NOL4: variants seen among roughly 807,000 people sequenced by gnomAD.
NOL4 encodes nucleolar protein 4, also known as cancer/testis antigen 125.
A neutral mutation model predicts 75.9 loss-of-function variants in NOL4; 17 were observed. The ratio of observed to expected loss-of-function variants is 0.22; its 90% CI spans 0.15 to 0.34. NOL4 has a LOEUF of 0.34. Ranked by LOEUF, NOL4 falls within the 10% of genes least tolerant of loss-of-function variation. The probability of loss-of-function intolerance (pLI) is 1.00; values close to 1 mark genes in which losing one functional copy is unlikely to be tolerated. For synonymous variants in NOL4, 292 were observed against 289.9 expected (o/e 1.01, Z -0.07); for missense variants, 614 against 793.5 (o/e 0.77, Z 2.72).
chr18:34,170,123 G>T (rs1263892111), intron 1 of NOL4, among the ~76,000 whole-genome samples: 1 of 151,764 alleles, frequency 6.6e-6, no homozygotes, highest in East Asian at 1.9e-4. Context: ...CAACATGTGG[G>T]TATTGAGCCC....
At chr18:33,865,964 G>T (rs754827293) in intron 10 of NOL4, among the ~76,000 whole-genome samples, 1 of 151,796 alleles carries the variant, frequency 6.6e-6, no homozygotes, top group Non-Finnish European at 1.5e-5. Context: ...ACATACTTAA[G>T]AAAATACAAA....
chr18:34,091,032 G>A (rs1035682063), intron 5 of NOL4, among the ~76,000 whole-genome samples: 1 of 151,876 alleles, frequency 6.6e-6, no homozygotes, highest in Non-Finnish European at 1.5e-5. Context: ...CTCATCTGAT[G>A]AATAGGATTA....
At chr18:33,995,039 T>C (rs1444760848) in intron 6 of NOL4, among the ~76,000 whole-genome samples, 2 of 151,664 alleles carry the variant, frequency 1.3e-5, no homozygotes, top group African/African-American at 2.4e-5. Flanking sequence ...GAAAAACTCC[T>C]AGAAATACAC....
intron 9 of NOL4, among the ~76,000 whole-genome samples, chr18:33,886,764 GATATATCTATATAT>G (rs1263509201): frequency 7.3e-6 from 1 of 137,120 alleles, no homozygotes; most frequent in Non-Finnish European, 1.6e-5. Flanking sequence ...CTCATATATA[GATATATCTATATAT>G]ATATATCTAT....
intron 5 of NOL4, among the ~76,000 whole-genome samples, chr18:34,062,881 C>T (rs1432578390): frequency 6.6e-6 from 1 of 151,960 alleles, no homozygotes; most frequent in Non-Finnish European, 1.5e-5. Flanking sequence ...AAATCCCAAA[C>T]CAAAAACGTT....
intron 9 of NOL4, among the ~76,000 whole-genome samples, chr18:33,899,684 C>T (rs1432274705): frequency 6.6e-6 from 1 of 152,134 alleles, no homozygotes; most frequent in African/African-American, 2.4e-5. Context: ...GGACAAGTTG[C>T]TCTGGTGTTT....
chr18:34,196,781 G>A (rs945712422), intron 1 of NOL4, among the ~76,000 whole-genome samples: 13 of 151,842 alleles, frequency 8.6e-5, no homozygotes, highest in African/African-American at 2.7e-4. Flanking sequence ...ACACTTAAAG[G>A]TTCAAGAAAC....
In NOL4 at chr18:34,095,245, A is replaced by ATGTGTGTGTGTG. The variant is rs761927350; in HGVS notation, c.640-1649_640-1648insCACACACACACA. ...ATGTTTACTCCAATTCTAAATTCTA[A>ATGTGTGTGTGTG]TGTGTATGTGTGTGTGTGTGTGTGT... On this transcript the variant is annotated intron_variant, in intron 4 of 10. Coordinates refer to ENST00000261592, the MANE Select transcript of NOL4 (RefSeq NM_003787.5). 5.2e-3 allele frequency among the ~76,000 whole-genome samples: 486 copies of ATGTGTGTGTGTG among 94,294 alleles called. 3 individuals are homozygous for ATGTGTGTGTGTG. The highest frequency in any genetic ancestry group is 7.9e-3 in the Non-Finnish European group (348 of 44,284). The allele number at this position is 94,294 out of a possible 152,430, so 61.9% of individuals were successfully genotyped here.
intron 2 of NOL4, among the ~76,000 whole-genome samples, chr18:34,123,962 A>C (rs141919856): frequency 0.011 from 1,634 of 152,186 alleles, 15 homozygotes; most frequent in Middle Eastern, 0.031. Context: ...ATTATTAATG[A>C]GTTCAATACT....
intron 3 of NOL4, 109 bp downstream of exon 3, chr18:34,104,940 C>A (rs1057491769): frequency 3.1e-6 from 2 of 638,506 alleles, no homozygotes; most frequent in Non-Finnish European, 5.5e-6. Flanking sequence ...ATGAGATGAT[C>A]TGACTTGTTG....
intron 1 of NOL4, among the ~76,000 whole-genome samples, chr18:34,134,872 G>A (rs184740995): frequency 8.0e-4 from 122 of 152,166 alleles, no homozygotes; most frequent in African/African-American, 2.5e-3. Flanking sequence ...TTGGTCAGAC[G>A]AATCCAAAGG....
intron 9 of NOL4, among the ~76,000 whole-genome samples, chr18:33,906,436 G>A (rs2066049436): frequency 1.3e-5 from 2 of 152,156 alleles, no homozygotes; most frequent in Non-Finnish European, 2.9e-5. Context: ...CACTGACCTT[G>A]TTCCAAATCC....
chr18:34,203,153 G>T (rs769870923), intron 1 of NOL4, among the ~76,000 whole-genome samples: 1 of 151,948 alleles, frequency 6.6e-6, no homozygotes, highest in Non-Finnish European at 1.5e-5. Context: ...TAAATCTCCA[G>T]GGAATTATAC....
At chr18:34,072,845 C>T (rs1293011228) in intron 5 of NOL4, among the ~76,000 whole-genome samples, 2 of 152,020 alleles carry the variant, frequency 1.3e-5, no homozygotes, top group South Asian at 4.1e-4. Context: ...TCTAAATAAT[C>T]TATTGGTTAA....
chr18:34,188,104 A>G (rs989447189), intron 1 of NOL4, among the ~76,000 whole-genome samples: 2 of 152,226 alleles, frequency 1.3e-5, no homozygotes, highest in African/African-American at 4.8e-5. Flanking sequence ...ATTTTTGTAG[A>G]CACTGTGTAT....
chr18:34,019,350 T>C lies in NOL4; in HGVS notation c.1024A>G (p.Met342Val), dbSNP rs1457581683. ...YKNLLISDLK[M>V]EREARENGSK... ...CCATTTTCTCTCGCCTCTCGTTCCATCTTGAGGTCAGAAATTAGAAGATTC... is the reference window on the plus strand; with the variant it reads ...CCATTTTCTCTCGCCTCTCGTTCCACCTTGAGGTCAGAAATTAGAAGATTC... Residue 342 changes from methionine to valine, a missense_variant, in exon 6 of 11, where the codon ATG becomes GTG. Met to Val is a conservative substitution (Grantham distance 21). Coordinates refer to ENST00000261592, the MANE Select transcript of NOL4 (RefSeq NM_003787.5). 1 of 1,614,048 alleles carries C rather than the reference T, an allele frequency of 6.2e-7. No homozygotes were observed. The highest frequency in any genetic ancestry group is 2.2e-5 in the East Asian group (1 of 44,854).
At chr18:34,053,460 GAAA>G (rs1205146630) in intron 5 of NOL4, among the ~76,000 whole-genome samples, 4 of 151,918 alleles carry the variant, frequency 2.6e-5, no homozygotes, top group African/African-American at 9.7e-5. Context: ...AACATATGGA[GAAA>G]AAAGCTTATT....
chr18:34,047,300 CGTAGACT>C (rs1360225270), intron 5 of NOL4, among the ~76,000 whole-genome samples: 2 of 151,956 alleles, frequency 1.3e-5, no homozygotes, highest in Non-Finnish European at 2.9e-5. Flanking sequence ...CTATATTTAG[CGTAGACT>C]GTAATGTTAT....
chr18:33,914,217 G>C (rs970432287), intron 9 of NOL4, among the ~76,000 whole-genome samples: 8 of 152,180 alleles, frequency 5.3e-5, no homozygotes, highest in African/African-American at 1.9e-4. Flanking sequence ...TTTGAGTAAA[G>C]AAGGAAGCAA....
Sources: allele counts gnomAD v4.1 joint callset (sites outside exome capture counted in the v4.1 genomes callset), GRCh38; gene constraint gnomAD v4.1.1; transcripts MANE v1.5; gene names NCBI Gene and HGNC (gene_info 2026-07-23, HGNC 2026-07-21).